KANK1: variants seen among roughly 807,000 people sequenced by gnomAD.
The protein encoded by KANK1 is KN motif and ankyrin repeat domains 1, also known as KN motif and ankyrin repeat domain-containing protein 1.
KANK1 carries 109 observed loss-of-function variants against 106.2 expected under a neutral mutation model. The observed-to-expected ratio is 1.03, with a 90% confidence interval of 0.88 to 1.20. KANK1 has a LOEUF of 1.20. Among genes scored for constraint, KANK1 ranks in the 50% most tolerant of loss-of-function variants. KANK1 has a pLI of 0.00. For missense variants in KANK1, 2,399 were observed against 1,710.7 expected, an observed-to-expected ratio of 1.40 and a Z score of -7.10; for synonymous variants, 873 against 652.2, an observed-to-expected ratio of 1.34 and a Z score of -5.16.
At chr9:665,474 G>A (rs1844357175) in intron 1 of KANK1, among the ~76,000 whole-genome samples, 2 of 152,298 alleles carry the variant, frequency 1.3e-5, no homozygotes, top group South Asian at 4.1e-4. Context: ...TTAGTTGGCT[G>A]CAAATGGCAT....
chr9:542,718 C>G (rs9408622), intron 1 of KANK1, among the ~76,000 whole-genome samples: 17,807 of 152,170 alleles, frequency 0.12, 1,135 homozygotes, highest in African/African-American at 0.14. Flanking sequence ...ATACTCTTCA[C>G]CCTTACAAAA....
At chr9:682,318 C>A (rs913594082) in intron 2 of KANK1, among the ~76,000 whole-genome samples, 1 of 151,444 alleles carries the variant, frequency 6.6e-6, no homozygotes. Context: ...TTAATGATAA[C>A]ATAAAATTTG....
intron 1 of KANK1, among the ~76,000 whole-genome samples, chr9:670,969 T>G (rs75233603): frequency 0.24 from 34,622 of 144,568 alleles, 4,488 homozygotes; most frequent in East Asian, 0.34. Context: ...TTTTTTTTTT[T>G]TTTTTTTTTA....
chr9:733,759 C>G (rs1289499606), intron 6 of KANK1: 1 of 152,000 alleles, frequency 6.6e-6, no homozygotes, highest in East Asian at 1.9e-4. Context: ...AAGACCCTGT[C>G]TCAGAAAAAA....
intron 1 of KANK1, among the ~76,000 whole-genome samples, chr9:544,423 G>A (rs908273709): frequency 6.6e-6 from 1 of 152,116 alleles, no homozygotes; most frequent in South Asian, 2.1e-4. Context: ...GTGCAGAGAG[G>A]GGCATTCTGT....
intron 5 of KANK1, 120 bp downstream of exon 5, chr9:731,386 T>C (rs1051488407): frequency 3.5e-6 from 2 of 578,902 alleles, no homozygotes; most frequent in African/African-American, 1.9e-5. Flanking sequence ...AAAGATTCCC[T>C]CCTCAGAAAG....
chr9:542,636 G>C (rs1001602421), intron 1 of KANK1, among the ~76,000 whole-genome samples: 1 of 152,168 alleles, frequency 6.6e-6, no homozygotes, highest in Non-Finnish European at 1.5e-5. Flanking sequence ...CAATAGTCAA[G>C]TTATGGAGAC....
chr9:677,060 C>A, intron 2 of KANK1, 51 bp downstream of exon 2: 1 of 1,527,662 alleles, frequency 6.5e-7, no homozygotes, highest in Non-Finnish European at 9.0e-7. Flanking sequence ...TTTTCTCAAA[C>A]TAATTTTTTA....
At chr9:729,937 G>A in intron 3 of KANK1, 114 bp from the exon 4 acceptor site, 1 of 894,392 alleles carries the variant, frequency 1.1e-6, no homozygotes, top group Non-Finnish European at 1.7e-6. Context: ...TCTGAGTTTT[G>A]GTGGCTGGGA....
chr9:580,748 G>C (rs1821882861), intron 1 of KANK1, among the ~76,000 whole-genome samples: 1 of 152,282 alleles, frequency 6.6e-6, no homozygotes, highest in Non-Finnish European at 1.5e-5. Flanking sequence ...GGAGCTGCCT[G>C]CCAGTCCCGC....
chr9:744,165 G>A (rs955963076), intron 10 of KANK1, among the ~76,000 whole-genome samples: 1 of 147,452 alleles, frequency 6.8e-6, no homozygotes, highest in African/African-American at 2.5e-5. Context: ...ACACACTACT[G>A]CTGCTTGCCT....
intron 1 of KANK1, among the ~76,000 whole-genome samples, chr9:635,540 T>A (rs1476358676): frequency 1.3e-5 from 2 of 152,294 alleles, no homozygotes; most frequent in South Asian, 4.1e-4. Flanking sequence ...ATCAGCCCCT[T>A]GAGACTGGAG....
intron 2 of KANK1, among the ~76,000 whole-genome samples, chr9:683,158 C>T (rs553168532): frequency 3.3e-5 from 5 of 152,108 alleles, no homozygotes; most frequent in Non-Finnish European, 7.4e-5. Context: ...TAGCATTACC[C>T]CGAAGGCAGA....
chr9:570,802 C>T (rs910609599), intron 1 of KANK1, among the ~76,000 whole-genome samples: 1 of 152,062 alleles, frequency 6.6e-6, no homozygotes, highest in African/African-American at 2.4e-5. Flanking sequence ...ATTTAAGACC[C>T]GTTGGCTTAG....
intron 1 of KANK1, among the ~76,000 whole-genome samples, chr9:610,363 T>C (rs1209147679): frequency 2.0e-5 from 3 of 151,054 alleles, no homozygotes; most frequent in Admixed American, 1.3e-4. Flanking sequence ...CTTAAGCAAA[T>C]GTTATATATA....
intron 1 of KANK1, among the ~76,000 whole-genome samples, chr9:625,588 A>G (rs1307726168): frequency 5.9e-5 from 9 of 152,184 alleles, no homozygotes; most frequent in Non-Finnish European, 1.5e-5. Context: ...GTATCTGGAA[A>G]AAAAAAACAA....
intron 1 of KANK1, among the ~76,000 whole-genome samples, chr9:596,124 C>T (rs1191467780): frequency 6.6e-6 from 1 of 151,764 alleles, no homozygotes; most frequent in Non-Finnish European, 1.5e-5. Flanking sequence ...AAAGTTTTGA[C>T]CGCATTTTGG....
At chr9:742,159 C>T in intron 9 of KANK1, 46 bp from the exon 10 acceptor site, 1 of 1,550,570 alleles carries the variant, frequency 6.4e-7, no homozygotes, top group Admixed American at 1.7e-5. Context: ...GCCACCACTG[C>T]CAGCTCAGTA....
intron 1 of KANK1, among the ~76,000 whole-genome samples, chr9:575,757 C>T (rs764111797): frequency 2.7e-4 from 41 of 152,222 alleles, no homozygotes; most frequent in African/African-American, 9.4e-4. Flanking sequence ...CACAGTGGCT[C>T]ATGCCTGTAA....
Sources: gnomAD v4.1 joint callset for allele counts (sites outside exome capture counted in the v4.1 genomes callset) on GRCh38, gnomAD v4.1.1 for gene constraint, MANE v1.5 for transcripts, NCBI Gene and HGNC (gene_info 2026-07-23, HGNC 2026-07-21) for gene names.